Variants in WDR7 observed in about 807,000 individuals in gnomAD.
The protein encoded by WDR7 is WD repeat domain 7, also known as WD repeat-containing protein 7.
In WDR7, 46 loss-of-function variants were observed where a neutral mutation model predicts 169.4. The observed-to-expected ratio is 0.27, with a 90% confidence interval of 0.21 to 0.35. WDR7 has a LOEUF of 0.35. Ranked by LOEUF, WDR7 falls within the 10% of genes least tolerant of loss-of-function variation. The pLI, the probability that WDR7 is intolerant of heterozygous loss-of-function variation, is 1.00. For missense variants in WDR7, 1,534 were observed against 1,859.3 expected, an observed-to-expected ratio of 0.83 and a Z score of 3.22; for synonymous variants, 612 against 666.8, an observed-to-expected ratio of 0.92 and a Z score of 1.27.
chr18:56,924,168 G>C, intron 22 of WDR7, 60 bp downstream of exon 22: 1 of 1,586,208 alleles, frequency 6.3e-7, no homozygotes, highest in South Asian at 1.2e-5. Flanking sequence ...GGGTTTTTTT[G>C]GTGGGTTTAT....
At chr18:56,783,162 T>TAAA (rs5825204) in intron 19 of WDR7, among the ~76,000 whole-genome samples, 6 of 148,606 alleles carry the variant, frequency 4.0e-5, no homozygotes, top group Admixed American at 2.7e-4. Context: ...CAAATTAAGT[T>TAAA]AAAAAAAAAA....
intron 14 of WDR7, among the ~76,000 whole-genome samples, chr18:56,746,492 A>G (rs1386735523): frequency 6.6e-6 from 1 of 152,100 alleles, no homozygotes; most frequent in Non-Finnish European, 1.5e-5. Flanking sequence ...CTTCACTTCT[A>G]TTTCAGTAAG....
chr18:57,030,212 T>G (rs970353188), downstream of WDR7: 6 of 152,218 alleles, frequency 3.9e-5, no homozygotes, highest in Non-Finnish European at 7.3e-5. Flanking sequence ...TAATTGGTTT[T>G]CAGAAAAATC....
intron 26 of WDR7, among the ~76,000 whole-genome samples, chr18:57,004,820 A>G (rs1486147523): frequency 6.6e-6 from 1 of 152,174 alleles, no homozygotes; most frequent in Non-Finnish European, 1.5e-5. Flanking sequence ...TGAGCCCATT[A>G]TGACATTGAG....
intron 26 of WDR7, among the ~76,000 whole-genome samples, chr18:56,990,255 T>C (rs889442640): frequency 5.3e-5 from 8 of 152,136 alleles, no homozygotes; most frequent in African/African-American, 1.7e-4. Context: ...AGACCTGAAG[T>C]CCTTAGGTGA....
In WDR7 at chr18:56,776,796, G is replaced by A. The variant is rs375783471; in HGVS notation, c.2863G>A (p.Val955Ile). 24 of 1,613,502 alleles carry A rather than the reference G, an allele frequency of 1.5e-5. No homozygotes were observed. The highest frequency in any genetic ancestry group is 5.3e-5 in the African/African-American group (4 of 74,796). Reference protein sequence around the residue: ...GQIKQVAAPVVSARSDADHSG... With the variant: ...GQIKQVAAPVISARSDADHSG... ...TCCTCTGCAAGTTGCTGCACCTGTC[G>A]TTTCCGCTCGGTCTGATGCTGATCA... Residue 955 changes from valine (V) to isoleucine (I), a missense_variant, in exon 17 of 28, where the codon GTT (valine) becomes ATT (isoleucine). Transcript: ENST00000254442.
intron 26 of WDR7, among the ~76,000 whole-genome samples, chr18:56,979,184 T>G (rs1050686568): frequency 5.3e-5 from 8 of 152,180 alleles, no homozygotes; most frequent in African/African-American, 1.9e-4. Flanking sequence ...ATATTTGCAG[T>G]CTATATACTC....
At position 56,757,160 on chromosome 18, in the gene WDR7, G is replaced by A; in HGVS notation, c.2567G>A (p.Cys856Tyr). Residue 856 changes from cysteine to tyrosine, a missense_variant, in exon 15 of 28, where the codon TGT becomes TAT. Physicochemically the swap from Cys to Tyr is radical, Grantham distance 194. Transcript: ENST00000254442. ...CTGCCGGGTTATAATCAGCCTGCTT[G>A]TAAACTGTCACATGGGAAAACAGAA... ...LMLPGYNQPA[C>Y]KLSHGKTEVG... 1 of 1,614,098 alleles carries A rather than the reference G, an allele frequency of 6.2e-7. No individual in the cohort carries two copies. Among genetic ancestry groups the A allele is most frequent in the South Asian group, 1.1e-5 (1 of 91,074 alleles).
At chr18:57,016,630 T>C (rs2048211249) in intron 26 of WDR7, among the ~76,000 whole-genome samples, 1 of 152,212 alleles carries the variant, frequency 6.6e-6, no homozygotes, top group African/African-American at 2.4e-5. Context: ...TTTTAGAAAT[T>C]CTCATTTCTG....
At chr18:56,759,057 A>C in intron 16 of WDR7, 104 bp downstream of exon 16, 1 of 827,336 alleles carries the variant, frequency 1.2e-6, no homozygotes, top group Non-Finnish European at 1.8e-6. Context: ...TTGGATTGTT[A>C]AAAGAGAGAA....
chr18:57,029,039 C>T lies in WDR7; in HGVS notation c.*1832C>T, dbSNP rs2048409077. The T allele has an allele frequency of 6.6e-6, 1 of 152,632 alleles. No homozygotes were observed. 9.5% of individuals were successfully genotyped at this position (152,632 alleles called of 1,614,324 possible). ...GGTCCAGAGTCTTCTCTATACCCAA[C>T]ATATGTTTACTTTATGAACTTAAAT... On this transcript the variant is annotated 3_prime_UTR_variant, in exon 28 of 28. Transcript: ENST00000254442.
intron 12 of WDR7, among the ~76,000 whole-genome samples, chr18:56,697,973 C>T (rs1306189158): frequency 6.6e-6 from 1 of 151,958 alleles, no homozygotes; most frequent in East Asian, 1.9e-4. Flanking sequence ...GCAGGCGTAT[C>T]ACCTGAAGTT....
At position 56,890,322 on chromosome 18, in the gene WDR7, A is replaced by T. The variant is rs10460143; in HGVS notation, c.3526+10157A>T. Among the ~76,000 whole-genome samples the T allele has an allele frequency of 2.6e-3, 402 of 152,262 alleles. 8 individuals are homozygous for T. The East Asian group carries it at 0.056, about 21-fold the overall frequency. ...TTATTTTGTTGTAGTGTACTTTGTGAAAATGATCCCCCAAGTACTCCCTGT... is the reference window on the plus strand; with the variant it reads ...TTATTTTGTTGTAGTGTACTTTGTGTAAATGATCCCCCAAGTACTCCCTGT... On this transcript the variant is annotated intron_variant, in intron 21 of 27. Coordinates refer to ENST00000254442, the MANE Select transcript of WDR7 (RefSeq NM_015285.3).
intron 19 of WDR7, among the ~76,000 whole-genome samples, chr18:56,783,474 A>C (rs943350625): frequency 2.0e-5 from 3 of 152,162 alleles, no homozygotes; most frequent in African/African-American, 7.2e-5. Context: ...GTATTTACAG[A>C]GTTGTTTGAA....
At chr18:56,659,085 T>C (rs1045596342) in intron 1 of WDR7, among the ~76,000 whole-genome samples, 3 of 152,208 alleles carry the variant, frequency 2.0e-5, no homozygotes, top group African/African-American at 7.2e-5. Flanking sequence ...GTAGTGATTA[T>C]GTCAGCTAAT....
At chr18:57,015,712 A>C in intron 26 of WDR7, among the ~76,000 whole-genome samples, 1 of 152,160 alleles carries the variant, frequency 6.6e-6, no homozygotes, top group Non-Finnish European at 1.5e-5. Context: ...AACATGAGAG[A>C]GATGCCAAAC....
intron 26 of WDR7, among the ~76,000 whole-genome samples, chr18:56,979,997 A>G (rs186192274): frequency 6.6e-6 from 1 of 152,346 alleles, no homozygotes; most frequent in Admixed American, 6.5e-5. Context: ...ACCAGCAGCC[A>G]TAGCCTTTTT....
chr18:56,898,076 C>G (rs1568254763), intron 21 of WDR7, among the ~76,000 whole-genome samples: 1 of 151,856 alleles, frequency 6.6e-6, no homozygotes, highest in Non-Finnish European at 1.5e-5. Context: ...GGGCTTAGAA[C>G]ATCTGTCTGT....
At chr18:56,746,766 G>T (rs1312363387) in intron 14 of WDR7, among the ~76,000 whole-genome samples, 2 of 152,164 alleles carry the variant, frequency 1.3e-5, no homozygotes, top group Non-Finnish European at 2.9e-5. Context: ...CTCTGTATCA[G>T]AGTTTCTCAA....
Sources: gnomAD v4.1 joint callset for allele counts (sites outside exome capture counted in the v4.1 genomes callset) on GRCh38, gnomAD v4.1.1 for gene constraint, MANE v1.5 for transcripts, NCBI Gene and HGNC (gene_info 2026-07-23, HGNC 2026-07-21) for gene names.